Variants in PPP4R4 observed in about 807,000 individuals in gnomAD.
PPP4R4 encodes protein phosphatase 4 regulatory subunit 4.
A neutral mutation model predicts 121.8 loss-of-function variants in PPP4R4; 70 were observed. The observed-to-expected ratio is 0.57, with a 90% CI of 0.47 to 0.70. The LOEUF (loss-of-function observed/expected upper bound fraction) is 0.70, where lower values mean the gene tolerates loss of function less well. Among genes scored for constraint, PPP4R4 ranks in the 30% least tolerant of loss-of-function variants. The probability of loss-of-function intolerance (pLI) is 0.00; values close to 1 mark genes in which losing one functional copy is unlikely to be tolerated. For synonymous variants in PPP4R4, 348 were observed against 355.7 expected (o/e 0.98, Z 0.24); for missense variants, 875 against 1,033.6 (o/e 0.85, Z 2.10).
At chr14:94,186,363 T>A (rs1334333942) in intron 2 of PPP4R4, among the ~76,000 whole-genome samples, 1 of 152,240 alleles carries the variant, frequency 6.6e-6, no homozygotes, top group Non-Finnish European at 1.5e-5. Context: ...TCATACAGTC[T>A]ACTCTTTTGT....
At chr14:94,278,041 T>A (rs1894735815) in intron 24 of PPP4R4, among the ~76,000 whole-genome samples, 1 of 152,212 alleles carries the variant, frequency 6.6e-6, no homozygotes, top group African/African-American at 2.4e-5. Context: ...TTGGTCTTTC[T>A]TCTGTGAAAT....
chr14:94,255,511 G>A (rs1283841514), intron 16 of PPP4R4, among the ~76,000 whole-genome samples: 2 of 151,762 alleles, frequency 1.3e-5, no homozygotes, highest in Non-Finnish European at 2.9e-5. Context: ...TGAGGCAGGA[G>A]AATGGCATGA....
intron 3 of PPP4R4, among the ~76,000 whole-genome samples, chr14:94,225,428 A>G (rs1444853611): frequency 6.6e-6 from 1 of 150,642 alleles, no homozygotes; most frequent in Non-Finnish European, 1.5e-5. Context: ...AGCCTTGCGG[A>G]GTCCCTGATA....
chr14:94,256,650 A>G (rs1893487630), intron 17 of PPP4R4, 46 bp downstream of exon 17: 2 of 1,482,504 alleles, frequency 1.3e-6, no homozygotes, highest in South Asian at 2.5e-5. Context: ...GCATTAAGGC[A>G]GTAAGAATCT....
intron 23 of PPP4R4, among the ~76,000 whole-genome samples, chr14:94,268,137 C>T (rs1420617712): frequency 6.6e-6 from 1 of 152,110 alleles, no homozygotes; most frequent in East Asian, 1.9e-4. Context: ...TTAGGAGGTA[C>T]TAAGGAACAT....
chr14:94,202,196 G>T (rs189618420), intron 2 of PPP4R4, among the ~76,000 whole-genome samples: 2 of 152,088 alleles, frequency 1.3e-5, no homozygotes, highest in East Asian at 1.9e-4. Context: ...TACACACTGG[G>T]TACAGTGTAC....
intron 3 of PPP4R4, among the ~76,000 whole-genome samples, chr14:94,226,260 C>A (rs1186303241): frequency 6.6e-6 from 1 of 152,092 alleles, no homozygotes; most frequent in Non-Finnish European, 1.5e-5. Context: ...TGTATATTTA[C>A]AATAGTCATA....
chr14:94,183,317 C>T (rs1227128744), intron 2 of PPP4R4, among the ~76,000 whole-genome samples: 1 of 152,134 alleles, frequency 6.6e-6, no homozygotes, highest in Non-Finnish European at 1.5e-5. Flanking sequence ...ACTTGCCTTT[C>T]TACATGGAAA....
Position 94,278,757 on chromosome 14 carries a change from T to G in PPP4R4, c.*114T>G. On this transcript the variant is annotated 3_prime_UTR_variant, in exon 25 of 25. Coordinates refer to ENST00000304338, the MANE Select transcript of PPP4R4 (RefSeq NM_058237.2). ...TTTTTAAATTTTGGGTTTTTTTTTTTGTTGTTGTTAATGAGCAGAAAGAGA... is the reference window on the plus strand; with the variant it reads ...TTTTTAAATTTTGGGTTTTTTTTTTGGTTGTTGTTAATGAGCAGAAAGAGA... 2.0e-6 allele frequency: 2 copies of G among 1,021,768 alleles called. No homozygotes were observed. The highest frequency in any genetic ancestry group is 4.9e-5 in the South Asian group (2 of 40,458). The allele number at this position is 1,021,768 out of a possible 1,614,324, so 63.3% of individuals were successfully genotyped here.
intron 19 of PPP4R4, among the ~76,000 whole-genome samples, chr14:94,261,640 A>G (rs1415928443): frequency 1.3e-5 from 2 of 151,910 alleles, no homozygotes; most frequent in Non-Finnish European, 2.9e-5. Context: ...TTGTCTTTTT[A>G]CTGATCTTAG....
chr14:94,186,239 T>G (rs1889274444), intron 2 of PPP4R4, among the ~76,000 whole-genome samples: 1 of 152,242 alleles, frequency 6.6e-6, no homozygotes, highest in Non-Finnish European at 1.5e-5. Context: ...ACTACTTGTG[T>G]GCTTAGATTA....
At chr14:94,180,595 C>CTTTTT (rs34648844) in intron 2 of PPP4R4, among the ~76,000 whole-genome samples, 20 of 123,916 alleles carry the variant, frequency 1.6e-4, no homozygotes, top group East Asian at 9.3e-4. Context: ...AAGAGCTTTG[C>CTTTTT]TTTTTTTTTT....
intron 2 of PPP4R4, among the ~76,000 whole-genome samples, chr14:94,194,908 CT>C: frequency 6.6e-6 from 1 of 152,348 alleles, no homozygotes; most frequent in Non-Finnish European, 1.5e-5. Flanking sequence ...ACCCTTTTGT[CT>C]GATACACAAC....
chr14:94,209,224 A>G (rs1890615066), intron 3 of PPP4R4, among the ~76,000 whole-genome samples: 1 of 152,070 alleles, frequency 6.6e-6, no homozygotes, highest in Non-Finnish European at 1.5e-5. Flanking sequence ...TGAATGAATA[A>G]AACAGACACC....
intron 3 of PPP4R4, among the ~76,000 whole-genome samples, chr14:94,218,425 C>T (rs1419617628): frequency 7.6e-6 from 1 of 131,520 alleles, no homozygotes; most frequent in Non-Finnish European, 1.6e-5. Context: ...AGACACCGCA[C>T]GCGCGCGCAC....
chr14:94,223,495 C>T (rs1453961818), intron 3 of PPP4R4, among the ~76,000 whole-genome samples: 2 of 152,148 alleles, frequency 1.3e-5, no homozygotes, highest in Non-Finnish European at 2.9e-5. Flanking sequence ...AGGGACTCTG[C>T]AAGGCTGTCA....
Position 94,176,506 on chromosome 14 carries a change from A to G in PPP4R4, c.191+379A>G, listed in dbSNP as rs540216333. Among the ~76,000 whole-genome samples the G allele has an allele frequency of 3.9e-5, 6 of 152,310 alleles. No homozygotes were observed. The East Asian group carries it at 7.7e-4, about 20-fold the overall frequency. ...AGAGTAGGAACATTATACGGGATCT[A>G]CTATACGGAAAAAAATCCACAAATA... On this transcript the variant is annotated intron_variant, in intron 2 of 24. Coordinates refer to ENST00000304338, the MANE Select transcript of PPP4R4 (RefSeq NM_058237.2).
intron 2 of PPP4R4, among the ~76,000 whole-genome samples, chr14:94,205,925 C>T (rs1890430478): frequency 6.6e-6 from 1 of 151,870 alleles, no homozygotes; most frequent in African/African-American, 2.4e-5. Flanking sequence ...TCTTCGGGCA[C>T]TTGAATGGAA....
chr14:94,271,074 A>T (rs932104153), intron 23 of PPP4R4, among the ~76,000 whole-genome samples: 1 of 152,202 alleles, frequency 6.6e-6, no homozygotes, highest in Non-Finnish European at 1.5e-5. Flanking sequence ...AGATGGGTTC[A>T]CTGATAAATT....
Sources: allele counts gnomAD v4.1 joint callset (sites outside exome capture counted in the v4.1 genomes callset), GRCh38; gene constraint gnomAD v4.1.1; transcripts MANE v1.5; gene names NCBI Gene and HGNC (gene_info 2026-07-23, HGNC 2026-07-21).